The following BANP variants were observed in gnomAD, a reference collection of about 807,000 sequenced individuals.
BANP encodes BTG3 associated nuclear protein.
A neutral mutation model predicts 68.1 loss-of-function variants in BANP; 11 were observed. The observed-to-expected ratio is 0.16, with a 90% CI of 0.10 to 0.27. The LOEUF is 0.27. Among genes scored for constraint, BANP ranks in the 10% least tolerant of loss-of-function variants. BANP has a pLI of 1.00. For missense variants in BANP, 504 were observed against 722.7 expected (o/e 0.70, Z 3.47); for synonymous variants, 329 against 303.2 (o/e 1.09, Z -0.88).
intron 4 of BANP, among the ~76,000 whole-genome samples, chr16:87,986,190 A>G (rs778880888): frequency 2.6e-4 from 39 of 152,340 alleles, no homozygotes; most frequent in Middle Eastern, 6.8e-3. Context: ...GTTTTAAGGA[A>G]TTAAACACAA....
At chr16:88,062,886 C>T (rs777397177) in intron 11 of BANP, among the ~76,000 whole-genome samples, 19 of 152,194 alleles carry the variant, frequency 1.2e-4, no homozygotes, top group African/African-American at 2.2e-4. Flanking sequence ...TCCATCCTAC[C>T]GGCAGCAGCA....
At chr16:88,037,894 G>C in intron 10 of BANP, 79 bp from the exon 11 acceptor site, 8 of 1,425,280 alleles carry the variant, frequency 5.6e-6, no homozygotes, top group Non-Finnish European at 7.9e-6. Flanking sequence ...CCTGTGATGT[G>C]TCTTGGCGTG....
rs1298053346 is a variant in BANP at position 87,957,379 on chromosome 16, G to A, written c.-69+5864G>A. 6.6e-6 allele frequency among the ~76,000 whole-genome samples: 1 copy of A among 152,218 alleles called. No homozygotes were observed. The highest frequency in any genetic ancestry group is 1.5e-5 in the Non-Finnish European group (1 of 68,038). On this transcript the variant is annotated intron_variant, in intron 1 of 13. Transcript: ENST00000682872. The surrounding 1 kb of genome is among the most constrained non-coding windows in gnomAD (Gnocchi z 4.3). ...AGGCTGGGCAGAATGGATCGGGGGT[G>A]TGTATTGGCTGCAGTCACCTCCCCT...
intron 11 of BANP, among the ~76,000 whole-genome samples, chr16:88,053,543 A>C (rs1459430392): frequency 3.9e-5 from 4 of 103,878 alleles, no homozygotes; most frequent in Admixed American, 1.0e-4. Context: ...ACCTTAACAA[A>C]CACTACCACC....
At position 88,004,389 on chromosome 16, in the gene BANP, T is replaced by A. The variant is rs924160051; in HGVS notation, c.457T>A (p.Ser153Thr). ...CCCCTTGAGCAACAGGGCACCGGATTCCCTGGAAAATGTCATTAGCAAGTC... is the reference window on the plus strand; with the variant it reads ...CCCCTTGAGCAACAGGGCACCGGATACCCTGGAAAATGTCATTAGCAAGTC... Reference protein sequence around the residue: ...EDPLSNRAPDSLENVISNAVP... With the variant: ...EDPLSNRAPDTLENVISNAVP... Residue 153 changes from serine to threonine, a missense_variant, in exon 5 of 14, where the codon TCC becomes ACC. By Grantham distance (58) the Ser-to-Thr change is moderately conservative (BLOSUM62 1). Around this residue, in one of 3 missense-constraint regions of BANP, gnomAD observed 238 missense variants for 278.9 expected, o/e 0.85. Coordinates refer to ENST00000682872, the MANE Select transcript of BANP (RefSeq NM_001386991.1). This position sits in a 1 kb window ranked among gnomAD's most constrained non-coding sequence, Gnocchi z 7.0. 48 of 1,540,730 alleles carry A rather than the reference T, an allele frequency of 3.1e-5. No homozygotes were observed. In the East Asian group the frequency reaches 1.1e-3, roughly 36 times the overall value.
intron 11 of BANP, among the ~76,000 whole-genome samples, chr16:88,059,089 CCG>C (rs2085963447): frequency 6.6e-6 from 1 of 150,992 alleles, no homozygotes; most frequent in African/African-American, 2.4e-5. Flanking sequence ...GTGCTGAGGT[CCG>C]TGCTCCTGCT....
intron 6 of BANP, chr16:88,017,201 G>A (rs6540150): frequency 0.91 from 139,263 of 152,310 alleles, 64,917 homozygotes; most frequent in East Asian, 1. Flanking sequence ...GATGCCCAGG[G>A]TGGCATGACT....
In BANP at chr16:88,004,325, C is replaced by A; in HGVS notation, c.393C>A (p.Asn131Lys). 6.5e-7 allele frequency: 1 copy of A among 1,549,490 alleles called. No individual in the cohort carries two copies. Among genetic ancestry groups the A allele is most frequent in the Non-Finnish European group, 8.7e-7 (1 of 1,145,576 alleles). ...TCCCCCAGACTACAGTAATACTCAA[C>A]AATGATCGGCAGAACGCCATTGTAG... is the stretch of plus-strand genomic sequence containing the variant. ...CVVPQTTVIL[N>K]NDRQNAIVAK... The change falls in exon 5 of 14, where the codon AAC becomes AAA. Residue 131 changes from asparagine (N) to lysine (K), a missense_variant. This residue lies in a region of BANP where 238 missense variants were observed against 278.9 expected (regional missense o/e 0.85). Coordinates refer to ENST00000682872, the MANE Select transcript of BANP (RefSeq NM_001386991.1). The surrounding 1 kb of genome is among the most constrained non-coding windows in gnomAD (Gnocchi z 7.0).
rs1353622722 is a variant in BANP at position 88,036,438 on chromosome 16, T to G, written c.1272+1044T>G. Among the ~76,000 whole-genome samples, 2 of 152,070 alleles carry G rather than the reference T, an allele frequency of 1.3e-5. No homozygotes were observed. Among genetic ancestry groups the G allele is most frequent in the Non-Finnish European group, 2.9e-5 (2 of 68,024 alleles). ...AGAGAGAAGCCCTGCCATCGGGGAC[T>G]CACAGCGGGCGCAGAGCCTCCTGCC... On this transcript the variant is annotated intron_variant, in intron 10 of 13. Transcript: ENST00000682872. This position sits in a 1 kb window ranked among gnomAD's most constrained non-coding sequence, Gnocchi z 4.2.
chr16:88,026,674 A>G (rs998068848), intron 7 of BANP, among the ~76,000 whole-genome samples: 2 of 152,028 alleles, frequency 1.3e-5, no homozygotes, highest in Admixed American at 1.3e-4. Flanking sequence ...ACAGAGTAAC[A>G]ATACATAACT....
At chr16:88,033,976 T>A (rs2078757050) in intron 9 of BANP, among the ~76,000 whole-genome samples, 1 of 152,192 alleles carries the variant, frequency 6.6e-6, no homozygotes, top group African/African-American at 2.4e-5. Flanking sequence ...CTCGCCTATG[T>A]TTTTAGTGGC....
chr16:87,954,231 C>T (rs1289375378), intron 1 of BANP, among the ~76,000 whole-genome samples: 1 of 152,142 alleles, frequency 6.6e-6, no homozygotes, highest in Non-Finnish European at 1.5e-5. Flanking sequence ...TATGTGTTCA[C>T]AATCAAATTT....
Position 88,071,941 on chromosome 16 carries a change from A to AGGCCGTGTCCCTGC in BANP, c.1378-127_1378-114dup, listed in dbSNP as rs1414311577. On this transcript the variant is annotated intron_variant, in intron 12 of 13. Transcript: ENST00000682872. The surrounding 1 kb of genome is among the most constrained non-coding windows in gnomAD (Gnocchi z 6.5). ...CCGCAGAGTCCTCGGTGTGGCCCTG[A>AGGCCGTGTCCCTGC]GGCCGTGTCCCTGCCGCTCAGGGGA... The AGGCCGTGTCCCTGC allele has an allele frequency of 8.0e-7, 1 of 1,255,838 alleles. No homozygotes were observed. Among genetic ancestry groups the AGGCCGTGTCCCTGC allele is most frequent in the East Asian group, 2.5e-5 (1 of 39,606 alleles). 77.8% of individuals were successfully genotyped at this position (1,255,838 alleles called of 1,614,324 possible). A position where few individuals can be genotyped will look rare whatever the true frequency, so the allele number is the denominator to read the frequency against.
At position 87,994,792 on chromosome 16, in the gene BANP, C is replaced by G. The variant is rs142578510; in HGVS notation, c.363-9503C>G. On this transcript the variant is annotated intron_variant, in intron 4 of 13. Coordinates refer to ENST00000682872, the MANE Select transcript of BANP (RefSeq NM_001386991.1). ...TATAAAAATAAAATAAAATAAAAAG[C>G]CCCTCAAACCTGCAAACAGTAGAAA... 4.8e-3 allele frequency among the ~76,000 whole-genome samples: 729 copies of G among 152,186 alleles called. 4 individuals carry two copies. Among genetic ancestry groups the G allele is most frequent in the African/African-American group, 0.013 (546 of 41,504 alleles).
intron 7 of BANP, among the ~76,000 whole-genome samples, chr16:88,026,885 A>G (rs1263545930): frequency 1.3e-5 from 2 of 152,250 alleles, no homozygotes; most frequent in Non-Finnish European, 2.9e-5. Context: ...CAATACACAC[A>G]TGAATTCTCC....
At chr16:88,043,384 G>A (rs774352219) in intron 11 of BANP, among the ~76,000 whole-genome samples, 2 of 152,146 alleles carry the variant, frequency 1.3e-5, no homozygotes, top group Non-Finnish European at 2.9e-5. Context: ...TGGCTCCTTC[G>A]TCAGCTGACT....
rs2087905423 is a variant in BANP, at chr16:88,064,559, G to C, written c.1312-708G>C. On this transcript the variant is annotated intron_variant, in intron 11 of 13. Transcript: ENST00000682872. This position sits in a 1 kb window ranked among gnomAD's most constrained non-coding sequence, Gnocchi z 4.5. ...CCAGCATCGGGTTGGCTGAGGGTTT[G>C]CCGAGGAGAGGGCATCGCCAGGCTG... 6.6e-6 allele frequency among the ~76,000 whole-genome samples: 1 copy of C among 152,270 alleles called. No individual in the cohort carries two copies. The highest frequency in any genetic ancestry group is 2.4e-5 in the African/African-American group (1 of 41,476).
chr16:88,045,512 T>A (rs980333251), intron 11 of BANP, among the ~76,000 whole-genome samples: 7 of 152,186 alleles, frequency 4.6e-5, no homozygotes, highest in African/African-American at 1.4e-4. Flanking sequence ...GGACCTTTCT[T>A]CCCTGTGCAG....
Position 88,071,900 on chromosome 16 carries a change from G to A in BANP, c.1378-169G>A. ...GGATCTGATGCGACTTGAGAGCGAT[G>A]GGGAGACAGGATGTGCCGCAGAGTC... On this transcript the variant is annotated intron_variant, in intron 12 of 13. Transcript: ENST00000682872. The surrounding 1 kb of genome is among the most constrained non-coding windows in gnomAD (Gnocchi z 6.5). 2.3e-6 allele frequency: 2 copies of A among 855,320 alleles called. No homozygotes were observed. The highest frequency in any genetic ancestry group is 1.4e-5 in the South Asian group (1 of 69,600). 53.0% of individuals were successfully genotyped at this position (855,320 alleles called of 1,614,324 possible). A position where few individuals can be genotyped will look rare whatever the true frequency, so the allele number is the denominator to read the frequency against.
Sources: allele counts gnomAD v4.1 joint callset (sites outside exome capture counted in the v4.1 genomes callset), GRCh38; gene constraint gnomAD v4.1.1; regional missense constraint gnomAD v4.1.1; non-coding constraint Gnocchi (gnomAD v3.1); transcripts MANE v1.5; gene names NCBI Gene and HGNC (gene_info 2026-07-23, HGNC 2026-07-21).